The following DYM variants were observed in gnomAD, a reference collection of about 807,000 sequenced individuals.
DYM encodes the protein dyggve-Melchior-Clausen syndrome protein.
Under a neutral mutation model 93.1 loss-of-function variants are expected in DYM, and 78 were observed. That is an observed-to-expected ratio of 0.84 (90% CI 0.70 to 1.01). DYM has a LOEUF of 1.01. DYM is among the 50% of genes least tolerant of loss of function. DYM has a pLI of 0.00. For missense variants in DYM, 789 were observed against 845.0 expected (o/e 0.93, Z 0.82); for synonymous variants, 321 against 319.7 (o/e 1.00, Z -0.04).
At chr18:49,203,497 G>C (rs1311506070) in intron 14 of DYM, among the ~76,000 whole-genome samples, 1 of 148,356 alleles carries the variant, frequency 6.7e-6, no homozygotes, top group African/African-American at 2.6e-5. Flanking sequence ...TTTTCATTTT[G>C]TTCTGCACTA....
intron 2 of DYM, among the ~76,000 whole-genome samples, chr18:49,422,995 A>C (rs1213733683): frequency 6.6e-6 from 1 of 152,150 alleles, no homozygotes; most frequent in Non-Finnish European, 1.5e-5. Context: ...CAAGACAGAA[A>C]GTTAACAAGG....
chr18:49,416,648 T>C (rs1026871893), intron 2 of DYM, among the ~76,000 whole-genome samples: 4 of 152,196 alleles, frequency 2.6e-5, no homozygotes, highest in Non-Finnish European at 4.4e-5. Flanking sequence ...TACACAGTAA[T>C]AGAAATTCAG....
intron 15 of DYM, 121 bp from the exon 16 acceptor site, chr18:49,119,047 A>C: frequency 1.2e-6 from 1 of 811,206 alleles, no homozygotes. Flanking sequence ...GAAGAGAAGA[A>C]GCTCATCAAG....
At chr18:49,164,257 A>T (rs1047324208) in intron 14 of DYM, among the ~76,000 whole-genome samples, 3 of 152,148 alleles carry the variant, frequency 2.0e-5, no homozygotes, top group Non-Finnish European at 2.9e-5. Flanking sequence ...ATGATTCAAA[A>T]TGTTTTATAA....
intron 17 of DYM, among the ~76,000 whole-genome samples, chr18:49,061,657 G>C (rs2075992453): frequency 6.6e-6 from 1 of 152,194 alleles, no homozygotes; most frequent in South Asian, 2.1e-4. Flanking sequence ...AGGCGATGGG[G>C]GCTGAGGGCC....
chr18:49,277,863 AG>A (rs1286905677), intron 10 of DYM, among the ~76,000 whole-genome samples: 1 of 152,258 alleles, frequency 6.6e-6, no homozygotes, highest in Admixed American at 6.5e-5. Context: ...ACTAAGACAT[AG>A]GTATTTGGCG....
chr18:49,255,680 A>G (rs2094379194), intron 13 of DYM, among the ~76,000 whole-genome samples: 1 of 151,108 alleles, frequency 6.6e-6, no homozygotes, highest in South Asian at 2.1e-4. Context: ...CTCAAAAAAA[A>G]AAAAAAAAGA....
intron 17 of DYM, among the ~76,000 whole-genome samples, chr18:49,057,185 T>A (rs1282989208): frequency 2.0e-5 from 3 of 152,180 alleles, no homozygotes; most frequent in Non-Finnish European, 4.4e-5. Context: ...AATTTTCTTA[T>A]GAAGGGAGCA....
chr18:49,080,036 G>T (rs1437114688), intron 17 of DYM, among the ~76,000 whole-genome samples: 13 of 140,758 alleles, frequency 9.2e-5, no homozygotes, highest in African/African-American at 1.1e-4. Flanking sequence ...GCAGAGGGGT[G>T]CCTCACTTCC....
intron 6 of DYM, among the ~76,000 whole-genome samples, chr18:49,353,282 G>A (rs922979485): frequency 3.6e-4 from 54 of 152,062 alleles, no homozygotes; most frequent in African/African-American, 1.2e-3. Flanking sequence ...TTTAAGAGAC[G>A]GAGAGTTCTG....
chr18:49,357,974 C>A (rs1390411214), intron 6 of DYM, among the ~76,000 whole-genome samples: 1 of 152,002 alleles, frequency 6.6e-6, no homozygotes, highest in Non-Finnish European at 1.5e-5. Flanking sequence ...CACAGCAAGA[C>A]CTCATCTCTA....
chr18:49,380,700 T>G (rs184123239), intron 3 of DYM, among the ~76,000 whole-genome samples: 1 of 152,322 alleles, frequency 6.6e-6, no homozygotes, highest in East Asian at 1.9e-4. Context: ...AAGCTAAGAA[T>G]TCATCAGAAG....
chr18:49,046,226 CAT>C (rs1432633790), intron 17 of DYM, among the ~76,000 whole-genome samples: 1 of 147,942 alleles, frequency 6.8e-6, no homozygotes. Context: ...GACTCACACA[CAT>C]AACACAAACA....
intron 17 of DYM, among the ~76,000 whole-genome samples, chr18:49,089,486 T>C (rs551039590): frequency 6.6e-6 from 1 of 152,304 alleles, no homozygotes; most frequent in South Asian, 2.1e-4. Flanking sequence ...TGTAGGGAAG[T>C]TGGAGAAAAC....
intron 17 of DYM, among the ~76,000 whole-genome samples, chr18:49,096,174 A>G (rs1313744341): frequency 6.6e-6 from 1 of 152,228 alleles, no homozygotes; most frequent in Non-Finnish European, 1.5e-5. Flanking sequence ...TGGAGGGCCC[A>G]GTGAACTCTA....
At chr18:49,221,233 A>G (rs1211321579) in intron 13 of DYM, among the ~76,000 whole-genome samples, 3 of 152,060 alleles carry the variant, frequency 2.0e-5, no homozygotes, top group Admixed American at 6.5e-5. Context: ...TTAGAATGGC[A>G]ATCATTCAAA....
intron 6 of DYM, among the ~76,000 whole-genome samples, chr18:49,354,663 C>CAA (rs768224219): frequency 2.6e-5 from 4 of 152,044 alleles, no homozygotes; most frequent in Non-Finnish European, 5.9e-5. Flanking sequence ...ACAGATGGCA[C>CAA]AAGCATATGA....
In DYM at chr18:49,270,696, T is replaced by A. The variant is rs780645246; in HGVS notation, c.1251+1482A>T. The stretch of plus-strand genomic sequence containing the variant: ...AAAACATCAAGTTGTATAACTTAAA[T>A]ATACACACAAAAAATAAATTTGTAT... On this transcript the variant is annotated intron_variant, in intron 11 of 17. Coordinates refer to ENST00000675505, the MANE Select transcript of DYM (RefSeq NM_001353214.3). 3.0e-4 allele frequency among the ~76,000 whole-genome samples: 46 copies of A among 152,164 alleles called. 1 individual carries two copies. The highest frequency in any genetic ancestry group is 4.6e-4 in the Non-Finnish European group (31 of 68,030).
rs769741307 is a variant in DYM at position 49,038,706 on chromosome 18, TCTTA to T, written c.*5345_*5348del. 6.6e-6 allele frequency among the ~76,000 whole-genome samples: 1 copy of T among 152,228 alleles called. No individual in the cohort carries two copies. The stretch of plus-strand genomic sequence containing the variant: ...TCCACCTGTTCTGCTTTTTCTTCTT[TCTTA>T]GACTCTTTTGCAATTCTTAAATCTT... On this transcript the variant is annotated 3_prime_UTR_variant, in exon 18 of 18. Coordinates refer to ENST00000675505, the MANE Select transcript of DYM (RefSeq NM_001353214.3).
Sources: allele counts gnomAD v4.1 joint callset (sites outside exome capture counted in the v4.1 genomes callset), GRCh38; gene constraint gnomAD v4.1.1; transcripts MANE v1.5; gene names NCBI Gene and HGNC (gene_info 2026-07-23, HGNC 2026-07-21).